The following JAZF1 variants were observed in gnomAD, a reference collection of about 807,000 sequenced individuals.
JAZF1 encodes the protein juxtaposed with another zinc finger protein 1.
Under a neutral mutation model 26.4 loss-of-function variants are expected in JAZF1, and 8 were observed. The ratio of observed to expected loss-of-function variants is 0.30; its 90% CI spans 0.18 to 0.55. The LOEUF (loss-of-function observed/expected upper bound fraction) is 0.55, where lower values mean the gene tolerates loss of function less well. Ranked by LOEUF, JAZF1 falls within the 20% of genes least tolerant of loss-of-function variation. JAZF1 has a pLI of 0.94. For missense variants in JAZF1, 199 were observed against 322.0 expected, an observed-to-expected ratio of 0.62 and a Z score of 2.92; for synonymous variants, 126 against 122.3, an observed-to-expected ratio of 1.03 and a Z score of -0.20.
At chr7:28,157,533 C>T (rs1346148624) in intron 1 of JAZF1, among the ~76,000 whole-genome samples, 3 of 152,186 alleles carry the variant, frequency 2.0e-5, no homozygotes, top group Admixed American at 6.5e-5. Flanking sequence ...AAAAGCTATT[C>T]TTAGTATGCG....
chr7:27,950,029 G>A (rs932827735), intron 2 of JAZF1, among the ~76,000 whole-genome samples: 4 of 152,104 alleles, frequency 2.6e-5, no homozygotes, highest in Non-Finnish European at 4.4e-5. Flanking sequence ...TGCTTTTCAC[G>A]ATACTTTTGA....
At chr7:27,946,965 A>C (rs1257675851) in intron 2 of JAZF1, among the ~76,000 whole-genome samples, 2 of 152,326 alleles carry the variant, frequency 1.3e-5, no homozygotes, top group African/African-American at 4.8e-5. Flanking sequence ...AGAATGCAAA[A>C]TGTTCTGAGT....
chr7:28,130,779 C>T (rs1782781018), intron 1 of JAZF1, among the ~76,000 whole-genome samples: 1 of 152,194 alleles, frequency 6.6e-6, no homozygotes, highest in Non-Finnish European at 1.5e-5. Context: ...AGGGTGCTCG[C>T]TCACTATTCC....
chr7:27,971,631 T>C (rs745859913), intron 2 of JAZF1, among the ~76,000 whole-genome samples: 9 of 152,174 alleles, frequency 5.9e-5, no homozygotes, highest in Non-Finnish European at 1.2e-4. Flanking sequence ...GGAAGATTCA[T>C]GGCCTTCTTA....
intron 1 of JAZF1, among the ~76,000 whole-genome samples, chr7:28,072,740 G>A (rs1783995973): frequency 6.6e-6 from 1 of 152,162 alleles, no homozygotes; most frequent in Non-Finnish European, 1.5e-5. Flanking sequence ...AAGTTGGGAT[G>A]GGGTTGGAGG....
At chr7:27,883,360 C>G (rs941548253) in intron 3 of JAZF1, among the ~76,000 whole-genome samples, 5 of 152,130 alleles carry the variant, frequency 3.3e-5, no homozygotes, top group Admixed American at 2.6e-4. Context: ...TATGGGAATT[C>G]TTAACAGTGG....
chr7:27,861,548 ATTCTTTTTTTT>A (rs1328092650), intron 3 of JAZF1, among the ~76,000 whole-genome samples: 1 of 107,198 alleles, frequency 9.3e-6, no homozygotes, highest in Non-Finnish European at 2.0e-5. Context: ...TACTTTTTTT[ATTCTTTTTTTT>A]TTCATGCACA....
intron 1 of JAZF1, among the ~76,000 whole-genome samples, chr7:28,173,865 G>T (rs1351123147): frequency 7.6e-6 from 1 of 130,990 alleles, no homozygotes; most frequent in Non-Finnish European, 1.5e-5. Context: ...TCTGGTCCCT[G>T]CTTGCAGCTA....
intron 1 of JAZF1, among the ~76,000 whole-genome samples, chr7:28,049,249 A>T (rs1264940066): frequency 6.6e-6 from 1 of 151,164 alleles, no homozygotes; most frequent in East Asian, 2.0e-4. Context: ...CAGCTGGCTA[A>T]TTTTTTGTAT....
At chr7:27,856,021 G>C (rs1181713504) in intron 3 of JAZF1, among the ~76,000 whole-genome samples, 1 of 152,190 alleles carries the variant, frequency 6.6e-6, no homozygotes, top group Non-Finnish European at 1.5e-5. Context: ...CACCACCATC[G>C]AGTTGGCTTC....
chr7:28,180,534 C>T lies in JAZF1; in HGVS notation c.44G>A (p.Arg15Gln), dbSNP rs367654033. The change falls in exon 1 of 5, where the codon CGA becomes CAA. Residue 15 changes from arginine (R) to glutamine (Q), a missense_variant. By Grantham distance (43) the Arg-to-Gln change is conservative. Around this residue, in one of 2 missense-constraint regions of JAZF1, gnomAD observed 137 missense variants for 184.8 expected, o/e 0.74. Transcript: ENST00000283928. Reference sequence around the variant, plus strand: ...GAAGTGGAGTCCGCAGCCCCCGAATCGGCAGGTATTGGAGAAGAAGGAGGC... The same window carrying T: ...GAAGTGGAGTCCGCAGCCCCCGAATTGGCAGGTATTGGAGAAGAAGGAGGC... The part of the protein sequence containing the change: ...AAASFFSNTC[R>Q]FGGCGLHFPT... 114 of 1,610,162 alleles carry T rather than the reference C, an allele frequency of 7.1e-5. No individual in the cohort carries two copies. Among genetic ancestry groups the T allele is most frequent in the Non-Finnish European group, 8.9e-5 (105 of 1,178,728 alleles).
chr7:27,872,629 G>C (rs1363673097), intron 3 of JAZF1, among the ~76,000 whole-genome samples: 2 of 152,140 alleles, frequency 1.3e-5, no homozygotes, highest in Non-Finnish European at 2.9e-5. Context: ...GTTGAACTGG[G>C]GAAAATGAAC....
chr7:28,109,486 G>A (rs769621345), intron 1 of JAZF1, among the ~76,000 whole-genome samples: 5 of 152,102 alleles, frequency 3.3e-5, no homozygotes, highest in East Asian at 1.9e-4. Flanking sequence ...ACCCATAAAC[G>A]CTCTCTCAAG....
Position 28,024,252 on chromosome 7 carries a change from G to A in JAZF1, c.116-32271C>T, listed in dbSNP as rs184262632. 2.0e-3 allele frequency among the ~76,000 whole-genome samples: 304 copies of A among 152,220 alleles called. 1 individual carries two copies. Among genetic ancestry groups the A allele is most frequent in the African/African-American group, 7.0e-3 (290 of 41,530 alleles). ...TGAGGCTGCAGTGAGATGTAATCACGCCACCACATTCCAGTTTGGGTGATA... is the reference window on the plus strand; with the variant it reads ...TGAGGCTGCAGTGAGATGTAATCACACCACCACATTCCAGTTTGGGTGATA... On this transcript the variant is annotated intron_variant, in intron 1 of 4. Transcript: ENST00000283928.
intron 1 of JAZF1, among the ~76,000 whole-genome samples, chr7:28,021,869 G>C (rs1562561899): frequency 6.6e-6 from 1 of 152,220 alleles, no homozygotes; most frequent in Non-Finnish European, 1.5e-5. Flanking sequence ...CATTTGGCCT[G>C]GCCCCTGCCT....
chr7:28,059,433 C>T (rs1413390560), intron 1 of JAZF1, among the ~76,000 whole-genome samples: 1 of 152,082 alleles, frequency 6.6e-6, no homozygotes, highest in East Asian at 1.9e-4. Flanking sequence ...CTAAACATTA[C>T]TAATTTCTTT....
intron 3 of JAZF1, among the ~76,000 whole-genome samples, chr7:27,889,949 T>C (rs144074145): frequency 6.9e-4 from 101 of 146,948 alleles, no homozygotes; most frequent in African/African-American, 2.4e-3. Context: ...AAAAAAAAAA[T>C]TGAGATCATA....
intron 1 of JAZF1, among the ~76,000 whole-genome samples, chr7:28,073,129 C>T (rs1303557810): frequency 6.6e-6 from 1 of 152,200 alleles, no homozygotes; most frequent in African/African-American, 2.4e-5. Flanking sequence ...CTATCGTCTT[C>T]TAAATTTCCT....
At chr7:28,099,508 C>G (rs182785933) in intron 1 of JAZF1, among the ~76,000 whole-genome samples, 17 of 152,152 alleles carry the variant, frequency 1.1e-4, no homozygotes, top group Admixed American at 2.6e-4. Flanking sequence ...CAGAGTTTCG[C>G]TCTTGTTGCC....
Sources: gnomAD v4.1 joint callset for allele counts (sites outside exome capture counted in the v4.1 genomes callset) on GRCh38, gnomAD v4.1.1 for gene constraint, gnomAD v4.1.1 regional missense constraint, MANE v1.5 for transcripts, NCBI Gene and HGNC (gene_info 2026-07-23, HGNC 2026-07-21) for gene names.